The following SEMA3E variants were observed in gnomAD, a reference collection of about 807,000 sequenced individuals.
The protein encoded by SEMA3E is semaphorin 3E, also known as semaphorin-3E.
SEMA3E carries 49 observed loss-of-function variants against 93.6 expected under a neutral mutation model. The observed-to-expected ratio is 0.52, with a 90% CI of 0.42 to 0.66. The LOEUF is 0.66. Among genes scored for constraint, SEMA3E ranks in the 30% least tolerant of loss-of-function variants. SEMA3E has a pLI of 0.00. For missense variants in SEMA3E, 906 were observed against 964.8 expected (o/e 0.94, Z 0.81); for synonymous variants, 363 against 330.7 (o/e 1.10, Z -1.06).
At chr7:83,508,041 T>C (rs930154394) in intron 1 of SEMA3E, among the ~76,000 whole-genome samples, 13 of 152,084 alleles carry the variant, frequency 8.5e-5, no homozygotes, top group Admixed American at 3.3e-4. Context: ...TTAACAGATA[T>C]GATATTGAGG....
intron 1 of SEMA3E, among the ~76,000 whole-genome samples, chr7:83,608,774 T>C (rs1180245007): frequency 6.6e-6 from 1 of 152,134 alleles, no homozygotes; most frequent in Admixed American, 6.6e-5. Flanking sequence ...TTTTGTATTT[T>C]TCTGGAAAAT....
intron 1 of SEMA3E, among the ~76,000 whole-genome samples, chr7:83,630,243 C>T (rs998466668): frequency 6.6e-6 from 1 of 152,000 alleles, no homozygotes; most frequent in African/African-American, 2.4e-5. Flanking sequence ...CCATCTTGCC[C>T]GGGAATAAAA....
At chr7:83,517,945 G>A (rs1283669796) in intron 1 of SEMA3E, among the ~76,000 whole-genome samples, 1 of 152,258 alleles carries the variant, frequency 6.6e-6, no homozygotes, top group Non-Finnish European at 1.5e-5. Context: ...CTGGTTTGGG[G>A]CCTCTGGGTG....
At chr7:83,520,128 C>T (rs1051411740) in intron 1 of SEMA3E, among the ~76,000 whole-genome samples, 2 of 152,154 alleles carry the variant, frequency 1.3e-5, no homozygotes, top group Non-Finnish European at 2.9e-5. Context: ...TTTGATATCT[C>T]TGTTCTCTGT....
intron 4 of SEMA3E, among the ~76,000 whole-genome samples, chr7:83,448,711 A>C (rs1344616680): frequency 1.3e-5 from 2 of 152,222 alleles, no homozygotes; most frequent in African/African-American, 2.4e-5. Context: ...TTTCCAAACT[A>C]AAGTAGACTA....
intron 1 of SEMA3E, among the ~76,000 whole-genome samples, chr7:83,630,625 C>T (rs1793767767): frequency 6.6e-6 from 1 of 152,120 alleles, no homozygotes; most frequent in Non-Finnish European, 1.5e-5. Context: ...ATTATCAATT[C>T]ATTATTGCTA....
At chr7:83,526,710 C>T (rs187167517) in intron 1 of SEMA3E, among the ~76,000 whole-genome samples, 3 of 152,256 alleles carry the variant, frequency 2.0e-5, no homozygotes, top group Admixed American at 6.6e-5. Flanking sequence ...TTTCTATCCC[C>T]TTCTTATAGT....
chr7:83,543,365 T>TTTTA (rs1455724238), intron 1 of SEMA3E, among the ~76,000 whole-genome samples: 1 of 151,928 alleles, frequency 6.6e-6, no homozygotes, highest in Non-Finnish European at 1.5e-5. Flanking sequence ...GAACTTTTTT[T>TTTTA]TTATTAAACA....
intron 2 of SEMA3E, among the ~76,000 whole-genome samples, chr7:83,485,880 T>C (rs1790240880): frequency 6.6e-6 from 1 of 152,084 alleles, no homozygotes; most frequent in Non-Finnish European, 1.5e-5. Context: ...TGAATGTATG[T>C]TATGTATATC....
chr7:83,574,162 T>A (rs1792351294), intron 1 of SEMA3E, among the ~76,000 whole-genome samples: 1 of 152,158 alleles, frequency 6.6e-6, no homozygotes, highest in African/African-American at 2.4e-5. Context: ...AAAATCTTAA[T>A]GCAGAATTTT....
At chr7:83,583,665 A>G (rs1792560050) in intron 1 of SEMA3E, among the ~76,000 whole-genome samples, 1 of 152,146 alleles carries the variant, frequency 6.6e-6, no homozygotes, top group Admixed American at 6.6e-5. Flanking sequence ...AGATGTTGAC[A>G]TGTGACACAA....
intron 1 of SEMA3E, among the ~76,000 whole-genome samples, chr7:83,635,209 A>G (rs1793858328): frequency 6.6e-6 from 1 of 151,654 alleles, no homozygotes; most frequent in Admixed American, 6.6e-5. Context: ...TATTTTGCTT[A>G]GGATCAGGAA....
intron 1 of SEMA3E, among the ~76,000 whole-genome samples, chr7:83,521,004 C>T (rs1000308607): frequency 6.6e-6 from 1 of 151,948 alleles, no homozygotes; most frequent in Non-Finnish European, 1.5e-5. Context: ...CCCTTTTCTG[C>T]AGTGTGCCTG....
intron 2 of SEMA3E, among the ~76,000 whole-genome samples, chr7:83,489,717 A>G (rs563316589): frequency 6.7e-6 from 1 of 149,734 alleles, no homozygotes; most frequent in Admixed American, 6.8e-5. Context: ...ACAGAACTAT[A>G]TGAGGTAGTT....
At chr7:83,568,043 G>A (rs2115858105) in intron 1 of SEMA3E, among the ~76,000 whole-genome samples, 1 of 151,800 alleles carries the variant, frequency 6.6e-6, no homozygotes, top group South Asian at 2.1e-4. Context: ...CAACAATAAA[G>A]TTACACTGCA....
intron 16 of SEMA3E, among the ~76,000 whole-genome samples, chr7:83,368,799 A>C (rs1162815964): frequency 6.6e-6 from 1 of 152,232 alleles, no homozygotes; most frequent in Admixed American, 6.5e-5. Flanking sequence ...AAGAAGAGCA[A>C]GATAAGGCTT....
chr7:83,405,996 C>G lies in SEMA3E; in HGVS notation c.877G>C (p.Val293Leu). The change falls in exon 8 of 17, where the codon GTT (valine) becomes CTT (leucine). Residue 293 changes from valine to leucine, a missense_variant. By Grantham distance (32) the Val-to-Leu change is conservative (BLOSUM62 1). Coordinates refer to ENST00000643230, the MANE Select transcript of SEMA3E (RefSeq NM_012431.3). Reference sequence around the variant, plus strand: ...CCATTCATTCCTGGTACTGAGCAAACGAGTCTCGCTTTTAGGAAAGTGCTC... The same window carrying G: ...CCATTCATTCCTGGTACTGAGCAAAGGAGTCTCGCTTTTAGGAAAGTGCTC... ...KWSTFLKARL[V>L]CSVPGMNGID... 2 of 1,613,344 alleles carry G rather than the reference C, an allele frequency of 1.2e-6. No individual in the cohort carries two copies. The highest frequency in any genetic ancestry group is 1.7e-6 in the Non-Finnish European group (2 of 1,179,492).
At chr7:83,582,855 TAATG>T (rs1291600772) in intron 1 of SEMA3E, among the ~76,000 whole-genome samples, 41 of 152,092 alleles carry the variant, frequency 2.7e-4, no homozygotes. Context: ...AAAACATAAG[TAATG>T]AAAAATATTT....
Position 83,367,686 on chromosome 7 carries a change from T to C in SEMA3E, c.2228A>G (p.Lys743Arg), listed in dbSNP as rs1465374243. 6.2e-7 allele frequency: 1 copy of C among 1,614,084 alleles called. No individual in the cohort carries two copies. Among genetic ancestry groups the C allele is most frequent in the South Asian group, 1.1e-5 (1 of 91,062 alleles). The change falls in exon 17 of 17, where the codon AAA becomes AGA. Residue 743 changes from lysine to arginine, a missense_variant. Physicochemically the swap from Lys to Arg is conservative, Grantham distance 26. Transcript: ENST00000643230. ...WCTDRKRKKL[K>R]MSPSKWKYAN... ...ATACTTCCACTTGGAGGGTGACATT[T>C]TAAGCTTTTTCCTCTTTCTATCTGT...
Sources: allele counts gnomAD v4.1 joint callset (sites outside exome capture counted in the v4.1 genomes callset), GRCh38; gene constraint gnomAD v4.1.1; transcripts MANE v1.5; gene names NCBI Gene and HGNC (gene_info 2026-07-23, HGNC 2026-07-21).